PRR5: variants seen among roughly 807,000 people sequenced by gnomAD.
PRR5 encodes the protein proline-rich protein 5.
Under a neutral mutation model 30.6 loss-of-function variants are expected in PRR5, and 25 were observed. The ratio of observed to expected loss-of-function variants is 0.82; its 90% CI spans 0.60 to 1.14. The LOEUF (loss-of-function observed/expected upper bound fraction) is 1.14. Among genes scored for constraint, PRR5 ranks in the 50% most tolerant of loss-of-function variants. PRR5 has a pLI of 0.00. For missense variants in PRR5, 600 were observed against 547.1 expected (o/e 1.10, Z -0.96); for synonymous variants, 286 against 247.1 (o/e 1.16, Z -1.48).
chr22:44,700,838 A>G (rs75556953), upstream of PRR5, among the ~76,000 whole-genome samples: 889 of 152,250 alleles, frequency 5.8e-3, 3 homozygotes, highest in African/African-American at 0.02. Context: ...TGCACTAAAC[A>G]AAGACTCTTC....
chr22:44,713,313 G>A (rs1928542426), intron 1 of PRR5, among the ~76,000 whole-genome samples: 1 of 152,220 alleles, frequency 6.6e-6, no homozygotes, highest in Non-Finnish European at 1.5e-5. Context: ...GTAGAAATGG[G>A]CTAGACTTCC....
chr22:44,735,419 A>G (rs559460339), intron 7 of PRR5, among the ~76,000 whole-genome samples: 2 of 152,284 alleles, frequency 1.3e-5, no homozygotes, highest in South Asian at 4.1e-4. Flanking sequence ...AGGAGGCCAC[A>G]TTCATGTGCA....
At chr22:44,736,184 C>G (rs1321549459) in intron 7 of PRR5, among the ~76,000 whole-genome samples, 8 of 152,224 alleles carry the variant, frequency 5.3e-5, no homozygotes, top group African/African-American at 9.6e-5. Context: ...CAGTCTATTA[C>G]TCTCCACGCA....
At chr22:44,721,038 C>G (rs1376341246) in intron 2 of PRR5, among the ~76,000 whole-genome samples, 1 of 152,160 alleles carries the variant, frequency 6.6e-6, no homozygotes, top group Non-Finnish European at 1.5e-5. Flanking sequence ...TCATCATGGG[C>G]AGGGAGAAGA....
rs573272842 is a variant in PRR5 at position 44,719,078 on chromosome 22, C to T, written c.215+4407C>T. ...CTCCTAAGGTACAGAAATGAACACA[C>T]TTTGCATAATCTTTTTTTTTTTTTT... is the stretch of plus-strand genomic sequence containing the variant. On this transcript the variant is annotated intron_variant, in intron 2 of 7. Coordinates refer to ENST00000336985, the MANE Select transcript of PRR5 (RefSeq NM_181333.4). Among the ~76,000 whole-genome samples the T allele has an allele frequency of 4.7e-5, 7 of 147,638 alleles. No homozygotes were observed. The South Asian group carries it at 1.3e-3, about 28-fold the overall frequency.
intron 2 of PRR5, among the ~76,000 whole-genome samples, chr22:44,723,768 AGTG>A (rs1403449016): frequency 6.6e-6 from 1 of 152,216 alleles, no homozygotes; most frequent in Non-Finnish European, 1.5e-5. Flanking sequence ...TACTTTGAGC[AGTG>A]TTTGCCCGTT....
At chr22:44,670,811 A>G (rs1436744598) in intron 1 of PRR5, among the ~76,000 whole-genome samples, 2 of 152,142 alleles carry the variant, frequency 1.3e-5, no homozygotes, top group Non-Finnish European at 2.9e-5. Flanking sequence ...CCAGTAAGTC[A>G]GGGGCGCAGA....
At chr22:44,730,158 TC>T in intron 4 of PRR5, 1 of 985,254 alleles carries the variant, frequency 1.0e-6, no homozygotes. Flanking sequence ...GCTGGGGGCT[TC>T]CGGGAGTGGG....
chr22:44,684,062 T>G (rs957480606), intron 1 of PRR5, among the ~76,000 whole-genome samples: 2 of 151,982 alleles, frequency 1.3e-5, no homozygotes, highest in African/African-American at 4.8e-5. Context: ...ACTTCCAGAA[T>G]TGATTGAGGG....
intron 1 of PRR5, among the ~76,000 whole-genome samples, chr22:44,697,032 C>T (rs745471586): frequency 5.9e-5 from 9 of 152,278 alleles, no homozygotes; most frequent in Middle Eastern, 3.4e-3. Flanking sequence ...CCACCACACC[C>T]GGCCAGGACA....
chr22:44,696,219 C>G (rs148240322), intron 1 of PRR5, among the ~76,000 whole-genome samples: 1 of 152,232 alleles, frequency 6.6e-6, no homozygotes, highest in Non-Finnish European at 1.5e-5. Context: ...CCACCGCGTC[C>G]AGCCAATTCT....
chr22:44,726,532 G>A (rs574898442), intron 3 of PRR5, 45 bp from the exon 4 acceptor site: 17 of 1,613,220 alleles, frequency 1.1e-5, no homozygotes, highest in African/African-American at 5.3e-5. Flanking sequence ...GGACACCCCC[G>A]GGCATCCACA....
At chr22:44,675,736 CG>C (rs1178856433), upstream of PRR5, among the ~76,000 whole-genome samples, 1 of 148,876 alleles carries the variant, frequency 6.7e-6, no homozygotes, top group Non-Finnish European at 1.5e-5. Context: ...GCTTAAAACT[CG>C]GTGGCTGTTG....
chr22:44,712,209 G>A (rs1402676852), intron 1 of PRR5, among the ~76,000 whole-genome samples: 1 of 152,186 alleles, frequency 6.6e-6, no homozygotes, highest in East Asian at 1.9e-4. Context: ...CCCCAGACAC[G>A]GGACTAAGGA....
chr22:44,728,875 G>A (rs1921361488), intron 4 of PRR5, among the ~76,000 whole-genome samples: 1 of 152,226 alleles, frequency 6.6e-6, no homozygotes, highest in South Asian at 2.1e-4. Flanking sequence ...CAGCCCCTGG[G>A]CAGAGCCGGT....
intron 2 of PRR5, among the ~76,000 whole-genome samples, chr22:44,719,288 G>C (rs1311376045): frequency 6.6e-6 from 1 of 151,912 alleles, no homozygotes; most frequent in African/African-American, 2.4e-5. Flanking sequence ...TTGCTCTGTT[G>C]CCCAAGCTGG....
rs146607082 is a variant in PRR5, at chr22:44,720,982, G to A, written c.216-4262G>A. On this transcript the variant is annotated intron_variant, in intron 2 of 7. Transcript: ENST00000336985. The stretch of plus-strand genomic sequence containing the variant: ...AAGGGGCCATTTGGTCCTGAAGGAG[G>A]CATTCATTTGTTCACTTATTCCTTC... Among the ~76,000 whole-genome samples, 223 of 152,266 alleles carry A rather than the reference G, an allele frequency of 1.5e-3. 1 individual carries two copies. Among genetic ancestry groups the A allele is most frequent in the Middle Eastern group, 6.8e-3 (2 of 294 alleles).
rs560191056 is a variant in PRR5 at position 44,737,230 on chromosome 22, C to T, written c.1150C>T (p.Arg384Trp). The change falls in exon 8 of 8, where the codon CGG becomes TGG. Residue 384 changes from arginine (R) to tryptophan (W), a missense_variant. Arg to Trp is a moderately radical substitution (Grantham distance 101). Coordinates refer to ENST00000336985, the MANE Select transcript of PRR5 (RefSeq NM_181333.4). ...GTCCGACTTGGAGGGCTCTGGGGGC[C>T]GGCAGAGTGTCGTGTGAGGCCTCAC... ...GMSDLEGSGGRQSVV is the reference protein window; with the variant it reads ...GMSDLEGSGGWQSVV 34 of 1,603,060 alleles carry T rather than the reference C, an allele frequency of 2.1e-5. No individual in the cohort carries two copies. The highest frequency in any genetic ancestry group is 1.9e-4 in the African/African-American group (14 of 74,906).
intron 1 of PRR5, chr22:44,677,388 C>G (rs1360000404): frequency 6.6e-6 from 1 of 152,640 alleles, no homozygotes; most frequent in Non-Finnish European, 1.5e-5. Flanking sequence ...GCCCCTGCCC[C>G]GGAGGAGCCC....
Sources: gnomAD v4.1 joint callset for allele counts (sites outside exome capture counted in the v4.1 genomes callset) on GRCh38, gnomAD v4.1.1 for gene constraint, MANE v1.5 for transcripts, NCBI Gene and HGNC (gene_info 2026-07-23, HGNC 2026-07-21) for gene names.